Variants in PCDHA5 observed in about 807,000 individuals in gnomAD.
The protein encoded by PCDHA5 is protocadherin alpha 5.
In PCDHA5, 43 loss-of-function variants were observed where a neutral mutation model predicts 61.6. That is an observed-to-expected ratio of 0.70 (90% CI 0.55 to 0.90). PCDHA5 has a LOEUF of 0.90. Ranked by LOEUF, PCDHA5 falls within the 40% of genes least tolerant of loss-of-function variation. The probability of loss-of-function intolerance (pLI) is 0.00; values close to 1 mark genes in which losing one functional copy is unlikely to be tolerated. For missense variants in PCDHA5, 1,298 were observed against 1,222.7 expected, an observed-to-expected ratio of 1.06 and a Z score of -0.92; for synonymous variants, 627 against 543.9, an observed-to-expected ratio of 1.15 and a Z score of -2.13.
intron 1 of PCDHA5, chr5:140,882,692 A>G (rs998224514): frequency 6.2e-7 from 1 of 1,614,204 alleles, no homozygotes; most frequent in South Asian, 1.1e-5. Context: ...ACGAATAATC[A>G]TTGCAGAATC....
intron 1 of PCDHA5, among the ~76,000 whole-genome samples, chr5:140,938,520 A>G (rs1240941217): frequency 6.6e-6 from 1 of 150,896 alleles, no homozygotes; most frequent in African/African-American, 2.4e-5. Context: ...ATTTTCTGTT[A>G]TTGAATGGAT....
chr5:140,829,771 C>A, intron 1 of PCDHA5: 5 of 1,613,808 alleles, frequency 3.1e-6, no homozygotes, highest in Middle Eastern at 1.7e-4. Context: ...ACGAGAACGA[C>A]AACGCGCCGG....
chr5:140,833,091 C>T (rs2150206226), intron 1 of PCDHA5, among the ~76,000 whole-genome samples: 72,266 of 151,896 alleles, frequency 0.48, 17,794 homozygotes, highest in Middle Eastern at 0.61. Flanking sequence ...GAGTACTAGA[C>T]GAGTAATTTT....
chr5:140,838,779 A>G (rs1039097840), intron 1 of PCDHA5, among the ~76,000 whole-genome samples: 2 of 152,056 alleles, frequency 1.3e-5, no homozygotes, highest in Admixed American at 6.5e-5. Flanking sequence ...AAAATTAGCT[A>G]TGCATGGTGA....
chr5:140,899,788 C>T (rs1260643506), intron 1 of PCDHA5, among the ~76,000 whole-genome samples: 3 of 152,054 alleles, frequency 2.0e-5, no homozygotes, highest in Admixed American at 6.6e-5. Context: ...TGGTATAATT[C>T]GGCTGTGAAT....
At chr5:140,927,395 A>G (rs782188555) in intron 1 of PCDHA5, 3 of 1,614,194 alleles carry the variant, frequency 1.9e-6, no homozygotes, top group South Asian at 2.2e-5. Context: ...CCCAGTCAGC[A>G]CTTTCGCCTG....
At chr5:140,836,957 G>T (rs193007351) in intron 1 of PCDHA5, 3 of 414,634 alleles carry the variant, frequency 7.2e-6, no homozygotes, top group African/African-American at 4.1e-5. Context: ...TATGGTTTAT[G>T]TTGGCTACTC....
At chr5:140,924,175 A>G (rs1179259744) in intron 1 of PCDHA5, among the ~76,000 whole-genome samples, 4 of 152,244 alleles carry the variant, frequency 2.6e-5, no homozygotes, top group Non-Finnish European at 5.9e-5. Context: ...CTGGCACTGA[A>G]GCAGAAAATT....
chr5:140,871,444 A>C (rs782085925), intron 1 of PCDHA5: 1 of 1,610,088 alleles, frequency 6.2e-7, no homozygotes, highest in Non-Finnish European at 8.5e-7. Context: ...AGGTCTGAAT[A>C]AAGAGGAGGA....
chr5:140,848,693 G>A, intron 1 of PCDHA5: 1 of 1,592,386 alleles, frequency 6.3e-7, no homozygotes, highest in Non-Finnish European at 8.6e-7. Flanking sequence ...TGTTCCAGTT[G>A]GATTCCAAAG....
intron 1 of PCDHA5, chr5:140,968,554 A>G (rs782240700): frequency 1.9e-6 from 3 of 1,614,162 alleles, no homozygotes; most frequent in Non-Finnish European, 2.5e-6. Context: ...TGGTGCCTCG[A>G]ACTGCCCCTG....
At chr5:140,829,714 C>T (rs1316878813) in intron 1 of PCDHA5, 33 of 1,613,426 alleles carry the variant, frequency 2.0e-5, no homozygotes, top group Non-Finnish European at 2.8e-5. Flanking sequence ...GCGACGCGGG[C>T]GTGCCGCCTC....
At chr5:140,989,928 A>T (rs2097366853) in intron 3 of PCDHA5, among the ~76,000 whole-genome samples, 1 of 152,032 alleles carries the variant, frequency 6.6e-6, no homozygotes, top group African/African-American at 2.4e-5. Context: ...GCAGAGATAG[A>T]TGACATTCCA....
rs78257345 is a variant in PCDHA5 at position 140,892,116 on chromosome 5, T to C, written c.2352+67989T>C. Among the ~76,000 whole-genome samples the C allele has an allele frequency of 8.0e-3, 1,216 of 152,346 alleles. 6 individuals are homozygous for C. The highest frequency in any genetic ancestry group is 0.019 in the African/African-American group (786 of 41,576). On this transcript the variant is annotated intron_variant, in intron 1 of 3. Transcript: ENST00000529859. ...AACTTTCAAGCTTGGCATTTATATCTGGAACACAATAAGCTCATGGTTTTA... is the reference window on the plus strand; with the variant it reads ...AACTTTCAAGCTTGGCATTTATATCCGGAACACAATAAGCTCATGGTTTTA...
At chr5:141,005,478 C>T (rs1021420332) in intron 3 of PCDHA5, among the ~76,000 whole-genome samples, 8 of 151,550 alleles carry the variant, frequency 5.3e-5, no homozygotes, top group East Asian at 3.9e-4. Context: ...CCGAGACGGG[C>T]GGATCATGAG....
At chr5:140,884,344 G>C in intron 1 of PCDHA5, 1 of 1,613,904 alleles carries the variant, frequency 6.2e-7, no homozygotes, top group Non-Finnish European at 8.5e-7. Context: ...CAGAAGCGGC[G>C]CTGGTGGATG....
chr5:140,968,994 G>T (rs1182509201), intron 1 of PCDHA5: 2 of 1,614,098 alleles, frequency 1.2e-6, no homozygotes, highest in Non-Finnish European at 1.7e-6. Context: ...GCATGCTGTG[G>T]AGGCTTCTGT....
chr5:140,999,854 C>T (rs1459226420), intron 3 of PCDHA5, among the ~76,000 whole-genome samples: 4 of 152,112 alleles, frequency 2.6e-5, no homozygotes, highest in Admixed American at 1.3e-4. Context: ...TTATCTCTTC[C>T]GCTCCAAGAT....
chr5:140,920,801 G>A (rs1303863265), intron 1 of PCDHA5, among the ~76,000 whole-genome samples: 2 of 148,716 alleles, frequency 1.3e-5, no homozygotes, highest in Non-Finnish European at 3.0e-5. Context: ...CCAAGATCAC[G>A]CCACTGCACT....
Sources: gnomAD v4.1 joint callset for allele counts (sites outside exome capture counted in the v4.1 genomes callset) on GRCh38, gnomAD v4.1.1 for gene constraint, MANE v1.5 for transcripts, NCBI Gene and HGNC (gene_info 2026-07-23, HGNC 2026-07-21) for gene names.